Variants in PRXL2C observed in about 807,000 individuals in gnomAD.
PRXL2C encodes peroxiredoxin like 2C.
A neutral mutation model predicts 24.9 loss-of-function variants in PRXL2C; 38 were observed. The observed-to-expected ratio is 1.53, with a 90% CI of 1.18 to 2.00. The LOEUF is 2.00. Among genes scored for constraint, PRXL2C ranks in the 30% most tolerant of loss-of-function variants. The pLI is 0.00. For missense variants in PRXL2C, 294 were observed against 290.9 expected, an observed-to-expected ratio of 1.01 and a Z score of -0.08; for synonymous variants, 98 against 117.2, an observed-to-expected ratio of 0.84 and a Z score of 1.06.
rs527586525 is a variant in PRXL2C at position 96,655,079 on chromosome 9, C to T, written c.192+11G>A. The T allele has an allele frequency of 7.1e-4, 1,037 of 1,456,866 alleles. 2 individuals are homozygous for T. The highest frequency in any genetic ancestry group is 8.4e-4 in the Non-Finnish European group (933 of 1,110,802). 90.2% of individuals were successfully genotyped at this position (1,456,866 alleles called of 1,614,324 possible). ...GGCCGCGCTTCCCTTCCAGCCCCGC[C>T]GCCCGCTCACCCGCACGAACACCAC... On this transcript the variant is annotated intron_variant, in intron 1 of 5. Coordinates refer to ENST00000375234, the MANE Select transcript of PRXL2C (RefSeq NM_153698.2).
At position 96,650,518 on chromosome 9, in the gene PRXL2C, T is replaced by C. The variant is rs76963281; in HGVS notation, c.421+872A>G. 5.5e-3 allele frequency among the ~76,000 whole-genome samples: 842 copies of C among 152,068 alleles called. 7 individuals carry two copies. The highest frequency in any genetic ancestry group is 0.019 in the African/African-American group (805 of 41,478). On this transcript the variant is annotated intron_variant, in intron 4 of 5. Coordinates refer to ENST00000375234, the MANE Select transcript of PRXL2C (RefSeq NM_153698.2). ...CCCTTAAGTGCAATAATAGAGTATA[T>C]AATAAAGTGCAGGGTGCTGTGAAAG...
At chr9:96,645,152 G>A (rs140189503) in intron 5 of PRXL2C, among the ~76,000 whole-genome samples, 5,071 of 150,768 alleles carry the variant, frequency 0.034, 311 homozygotes, top group African/African-American at 0.12. Context: ...CTCGTGATCC[G>A]CCCGCCTTGG....
rs1848108589 is a variant in PRXL2C, at chr9:96,641,115, T to C, written c.*644A>G. 6.6e-6 allele frequency: 1 copy of C among 152,208 alleles called. No individual in the cohort carries two copies. The highest frequency in any genetic ancestry group is 1.5e-5 in the Non-Finnish European group (1 of 68,050). 9.4% of individuals were successfully genotyped at this position (152,208 alleles called of 1,614,324 possible). A position where few individuals can be genotyped will look rare whatever the true frequency, so the allele number is the denominator to read the frequency against. On this transcript the variant is annotated 3_prime_UTR_variant, in exon 6 of 6. Coordinates refer to ENST00000375234, the MANE Select transcript of PRXL2C (RefSeq NM_153698.2). ...TTTTGCTCTTTTGTGAAGGTTGTTA[T>C]GTGGCATAAAATTGTCCTATAATGT... is the stretch of plus-strand genomic sequence containing the variant.
At chr9:96,642,838 C>T (rs918282024) in intron 5 of PRXL2C, among the ~76,000 whole-genome samples, 10 of 152,090 alleles carry the variant, frequency 6.6e-5, no homozygotes, top group African/African-American at 2.4e-4. Context: ...CCACTGCACC[C>T]GGCCATGAGG....
At chr9:96,651,916 T>C (rs1848272048) in intron 2 of PRXL2C, among the ~76,000 whole-genome samples, 1 of 152,190 alleles carries the variant, frequency 6.6e-6, no homozygotes, top group African/African-American at 2.4e-5. Context: ...TAAGTAGGAA[T>C]TTCCAGACTT....
chr9:96,655,139 G>T lies in PRXL2C; in HGVS notation c.143C>A (p.Pro48Gln). ...PVLDARGQRV[P>Q]FGALFRERRA... ...GCGCTCCCGGAACAGCGCGCCGAACGGTACCCGCTGCCCGCGGGCGTCCAG... is the reference window on the plus strand; with the variant it reads ...GCGCTCCCGGAACAGCGCGCCGAACTGTACCCGCTGCCCGCGGGCGTCCAG... Residue 48 changes from proline to glutamine, a missense_variant, in exon 1 of 6, where the codon CCG (proline) becomes CAG (glutamine). Transcript: ENST00000375234. The T allele has an allele frequency of 7.4e-7, 1 of 1,345,932 alleles. No homozygotes were observed. The allele number at this position is 1,345,932 out of a possible 1,614,324, so 83.4% of individuals were successfully genotyped here.
chr9:96,644,552 C>A (rs1274781708), intron 5 of PRXL2C, among the ~76,000 whole-genome samples: 1 of 151,902 alleles, frequency 6.6e-6, no homozygotes, highest in African/African-American at 2.4e-5. Flanking sequence ...GTGGCACGAT[C>A]TGGGCTCACT....
chr9:96,645,571 G>T (rs2119177251), intron 5 of PRXL2C, among the ~76,000 whole-genome samples: 1 of 152,030 alleles, frequency 6.6e-6, no homozygotes, highest in Admixed American at 6.5e-5. Context: ...GCCGAGGTGG[G>T]TGGATCACGA....
At chr9:96,650,988 G>A (rs1039092054) in intron 4 of PRXL2C, among the ~76,000 whole-genome samples, 1 of 152,068 alleles carries the variant, frequency 6.6e-6, no homozygotes, top group Non-Finnish European at 1.5e-5. Flanking sequence ...CCACTTATTA[G>A]AATAATAAAA....
chr9:96,651,263 G>T, intron 4 of PRXL2C, 127 bp downstream of exon 4: 1 of 677,158 alleles, frequency 1.5e-6, no homozygotes, highest in Non-Finnish European at 2.5e-6. Flanking sequence ...CAGCAACAGA[G>T]TGAGACTCCA....
intron 5 of PRXL2C, among the ~76,000 whole-genome samples, chr9:96,642,702 C>T (rs560331681): frequency 5.2e-4 from 79 of 152,148 alleles, no homozygotes; most frequent in East Asian, 1.4e-3. Context: ...TGCACCACCA[C>T]GCCCAGCTAA....
chr9:96,648,600 A>G (rs1002230717), intron 4 of PRXL2C, among the ~76,000 whole-genome samples: 5 of 152,156 alleles, frequency 3.3e-5, no homozygotes, highest in African/African-American at 1.2e-4. Flanking sequence ...TTGTTTGGCA[A>G]TGCAGTCCTT....
rs143278494 is a variant in PRXL2C at position 96,642,186 on chromosome 9, A to ATTC, written c.554-301_554-300insGAA. 4.1e-3 allele frequency among the ~76,000 whole-genome samples: 618 copies of ATTC among 152,296 alleles called. 3 individuals carry two copies. The highest frequency in any genetic ancestry group is 0.014 in the African/African-American group (590 of 41,576). ...ATATAATTAAATAAAATGTCCTGTC[A>ATTC]GACGGGCAGAATACGGAACTCACAT... On this transcript the variant is annotated intron_variant, in intron 5 of 5. Transcript: ENST00000375234.
chr9:96,649,803 T>C (rs1480983725), intron 4 of PRXL2C, among the ~76,000 whole-genome samples: 1 of 152,094 alleles, frequency 6.6e-6, no homozygotes, highest in East Asian at 1.9e-4. Context: ...TTCAAACACT[T>C]GTATAATTCC....
At chr9:96,654,679 T>A in intron 2 of PRXL2C, 26 bp downstream of exon 2, 1 of 1,552,404 alleles carries the variant, frequency 6.4e-7, no homozygotes, top group Non-Finnish European at 8.7e-7. Flanking sequence ...AAGCGGGCAC[T>A]GGGCCGCCCA....
chr9:96,649,830 A>G (rs2119185667), intron 4 of PRXL2C, among the ~76,000 whole-genome samples: 1 of 152,244 alleles, frequency 6.6e-6, no homozygotes, highest in East Asian at 1.9e-4. Context: ...GCTTCATAAT[A>G]AATCCAAACT....
chr9:96,655,044 C>G, intron 1 of PRXL2C, 46 bp downstream of exon 1: 1 of 1,453,194 alleles, frequency 6.9e-7, no homozygotes, highest in Non-Finnish European at 9.0e-7. Flanking sequence ...GCAGCCTGCC[C>G]GGGACCCTGG....
chr9:96,640,696 G>A lies in PRXL2C; in HGVS notation c.*1063C>T, dbSNP rs900795449. ...AAATACAAAAAATTAGCCGGGCGTG[G>A]TGGTGGGTGCCTGTAGTCCCAGCTA... On this transcript the variant is annotated 3_prime_UTR_variant, in exon 6 of 6. Coordinates refer to ENST00000375234, the MANE Select transcript of PRXL2C (RefSeq NM_153698.2). 1.3e-5 allele frequency: 2 copies of A among 151,028 alleles called. No homozygotes were observed. Among genetic ancestry groups the A allele is most frequent in the Non-Finnish European group, 2.9e-5 (2 of 68,000 alleles). 9.4% of individuals were successfully genotyped at this position (151,028 alleles called of 1,614,324 possible).
chr9:96,646,004 A>G lies in PRXL2C; in HGVS notation c.442T>C (p.Ser148Pro), dbSNP rs181251824. 3 of 1,611,626 alleles carry G rather than the reference A, an allele frequency of 1.9e-6. No individual in the cohort carries two copies. In the Admixed American group the frequency reaches 5.0e-5, roughly 27 times the overall value. Reference protein sequence around the residue: ...ASSGQSPHIKSNLLSGSLQSL... With the variant: ...ASSGQSPHIKPNLLSGSLQSL... ...TGAAGGCTTCCTGAGAGTAGATTTG[A>G]TTTTATGTGGGGGCTCTGTCCTGAA... The change falls in exon 5 of 6, where the codon TCA (serine) becomes CCA (proline). Residue 148 changes from serine to proline, a missense_variant. Transcript: ENST00000375234.
Sources: allele counts gnomAD v4.1 joint callset (sites outside exome capture counted in the v4.1 genomes callset), GRCh38; gene constraint gnomAD v4.1.1; transcripts MANE v1.5; gene names NCBI Gene and HGNC (gene_info 2026-07-23, HGNC 2026-07-21).